The following MPZL3 variants were observed in gnomAD, a reference collection of about 807,000 sequenced individuals.
MPZL3 encodes myelin protein zero like 3.
In MPZL3, 23 loss-of-function variants were observed where a neutral mutation model predicts 24.8. The observed-to-expected ratio is 0.93, with a 90% CI of 0.67 to 1.31. The LOEUF (loss-of-function observed/expected upper bound fraction) is 1.31, where lower values mean the gene tolerates loss of function less well. Among genes scored for constraint, MPZL3 ranks in the 40% most tolerant of loss-of-function variants. MPZL3 has a pLI of 0.00. For synonymous variants in MPZL3, 99 were observed against 106.5 expected, an observed-to-expected ratio of 0.93 and a Z score of 0.44; for missense variants, 277 against 294.9, an observed-to-expected ratio of 0.94 and a Z score of 0.44.
chr11:118,235,762 G>A (rs919147810), intron 3 of MPZL3, among the ~76,000 whole-genome samples, 173 bp from the exon 4 acceptor site: 9 of 152,108 alleles, frequency 5.9e-5, no homozygotes, highest in African/African-American at 1.7e-4. Context: ...AAAATGTACC[G>A]ATAATCCCAC....
intron 1 of MPZL3, among the ~76,000 whole-genome samples, chr11:118,246,631 C>G (rs1410327258): frequency 7.2e-6 from 1 of 138,222 alleles, no homozygotes; most frequent in Admixed American, 7.7e-5. Flanking sequence ...GTTGCTCAGG[C>G]TACAGTGCAG....
intron 3 of MPZL3, among the ~76,000 whole-genome samples, chr11:118,235,838 G>A (rs1949419332): frequency 6.6e-6 from 1 of 152,132 alleles, no homozygotes; most frequent in Admixed American, 6.5e-5. Context: ...GGTATGGGGT[G>A]CAAGGAGGGC....
chr11:118,237,760 A>C (rs1949445395), intron 2 of MPZL3, among the ~76,000 whole-genome samples: 2 of 152,192 alleles, frequency 1.3e-5, no homozygotes, highest in African/African-American at 4.8e-5. Context: ...TATAGTTTGC[A>C]AATAATTTCC....
chr11:118,248,661 AT>A (rs372882848), intron 1 of MPZL3, among the ~76,000 whole-genome samples: 29 of 152,168 alleles, frequency 1.9e-4, no homozygotes, highest in African/African-American at 6.7e-4. Flanking sequence ...GAAAAAAAAA[AT>A]TCTAAATGAC....
Position 118,229,255 on chromosome 11 carries a change from A to T in MPZL3, c.*639T>A, listed in dbSNP as rs1269965164. The stretch of plus-strand genomic sequence containing the variant: ...TCCTTTCCTTAACTGTAAATTGATG[A>T]CACTGTACTTAATACTTTAAAAACC... On this transcript the variant is annotated 3_prime_UTR_variant, in exon 6 of 6. Coordinates refer to ENST00000278949, the MANE Select transcript of MPZL3 (RefSeq NM_198275.3). 6.6e-6 allele frequency: 1 copy of T among 152,194 alleles called. No individual in the cohort carries two copies. The highest frequency in any genetic ancestry group is 1.5e-5 in the Non-Finnish European group (1 of 68,038). The allele number at this position is 152,194 out of a possible 1,614,324, so 9.4% of individuals were successfully genotyped here.
chr11:118,233,572 A>C (rs1446471718), intron 4 of MPZL3, 49 bp from the exon 5 acceptor site: 8 of 1,585,298 alleles, frequency 5.0e-6, no homozygotes, highest in Non-Finnish European at 6.9e-6. Flanking sequence ...TCCTCAATAG[A>C]GTAGAGCAGT....
rs1165617706 is a variant in MPZL3, at chr11:118,242,255, T to C, written c.74-1878A>G. ...AGCTTCAATGTCTTCACTTGGAAAA[T>C]GGGAATAATAACAAGATCTACTTCA... On this transcript the variant is annotated intron_variant, in intron 1 of 5. Coordinates refer to ENST00000278949, the MANE Select transcript of MPZL3 (RefSeq NM_198275.3). 2.0e-5 allele frequency among the ~76,000 whole-genome samples: 3 copies of C among 152,108 alleles called. No individual in the cohort carries two copies. The East Asian group carries it at 5.8e-4, about 29-fold the overall frequency.
intron 3 of MPZL3, 89 bp downstream of exon 3, chr11:118,236,961 T>G: frequency 8.4e-7 from 1 of 1,193,500 alleles, no homozygotes; most frequent in Middle Eastern, 2.7e-4. Context: ...CTTACAAAGA[T>G]AGACAGCTTT....
intron 1 of MPZL3, among the ~76,000 whole-genome samples, chr11:118,243,339 G>A (rs534281155): frequency 3.9e-4 from 60 of 152,202 alleles, no homozygotes; most frequent in Non-Finnish European, 7.2e-4. Context: ...CCATATAAAC[G>A]GCCCAGGCAC....
intron 2 of MPZL3, among the ~76,000 whole-genome samples, chr11:118,238,833 A>G (rs73596525): frequency 0.045 from 6,852 of 152,232 alleles, 532 homozygotes; most frequent in African/African-American, 0.15. Context: ...TGTGTTGAAC[A>G]TTTCAAAGGG....
intron 5 of MPZL3, among the ~76,000 whole-genome samples, chr11:118,231,670 G>A (rs1045199174): frequency 2.6e-5 from 4 of 152,118 alleles, no homozygotes; most frequent in Non-Finnish European, 4.4e-5. Context: ...ATTAGCAAAT[G>A]GTAACTCTAT....
At chr11:118,252,175 C>T (rs1329847198) in intron 1 of MPZL3, 47 bp downstream of exon 1, 6 of 1,603,634 alleles carry the variant, frequency 3.7e-6, no homozygotes, top group South Asian at 3.3e-5. Context: ...GACCATCTTC[C>T]CTAACCCCCC....
intron 5 of MPZL3, among the ~76,000 whole-genome samples, chr11:118,232,377 C>T (rs1949365022): frequency 6.6e-6 from 1 of 151,866 alleles, no homozygotes; most frequent in South Asian, 2.1e-4. Flanking sequence ...ATCTCATATA[C>T]TATATATTTT....
intron 4 of MPZL3, 127 bp downstream of exon 4, chr11:118,235,297 C>T (rs1949408399): frequency 8.4e-7 from 1 of 1,189,474 alleles, no homozygotes; most frequent in Non-Finnish European, 1.2e-6. Flanking sequence ...GAACTATTCT[C>T]TTTGAAAAGA....
chr11:118,239,528 GA>G (rs1164368731), intron 2 of MPZL3, among the ~76,000 whole-genome samples: 1 of 152,088 alleles, frequency 6.6e-6, no homozygotes, highest in Non-Finnish European at 1.5e-5. Flanking sequence ...AGCTTAAAGA[GA>G]AAAAAATTTT....
chr11:118,247,807 T>C (rs1949572185), intron 1 of MPZL3, among the ~76,000 whole-genome samples: 1 of 152,008 alleles, frequency 6.6e-6, no homozygotes, highest in South Asian at 2.1e-4. Context: ...TTTTCTTCAC[T>C]CCCTATCTCT....
chr11:118,243,957 T>C (rs1391145022), intron 1 of MPZL3, among the ~76,000 whole-genome samples: 1 of 152,190 alleles, frequency 6.6e-6, no homozygotes, highest in Non-Finnish European at 1.5e-5. Flanking sequence ...GAAAGAGTGG[T>C]CTACACTTGA....
intron 1 of MPZL3, among the ~76,000 whole-genome samples, chr11:118,249,018 A>C (rs1949588913): frequency 6.8e-6 from 1 of 146,170 alleles, no homozygotes; most frequent in Non-Finnish European, 1.5e-5. Flanking sequence ...ATCAATCTTT[A>C]CAGACTAATA....
chr11:118,233,596 G>T, intron 4 of MPZL3, 73 bp from the exon 5 acceptor site: 1 of 1,482,728 alleles, frequency 6.7e-7, no homozygotes. Flanking sequence ...AAGTACAGGT[G>T]TTGAAATCAG....
Sources: allele counts gnomAD v4.1 joint callset (sites outside exome capture counted in the v4.1 genomes callset), GRCh38; gene constraint gnomAD v4.1.1; transcripts MANE v1.5; gene names NCBI Gene and HGNC (gene_info 2026-07-23, HGNC 2026-07-21).